The following LRIG1 variants were observed in gnomAD, a reference collection of about 807,000 sequenced individuals.
LRIG1 encodes leucine-rich repeats and immunoglobulin-like domains protein 1.
In LRIG1, 48 loss-of-function variants were observed where a neutral mutation model predicts 99.2. That is an observed-to-expected ratio of 0.48 (90% confidence interval 0.38 to 0.62). LRIG1 has a LOEUF of 0.62. Ranked by LOEUF, LRIG1 falls within the 20% of genes least tolerant of loss-of-function variation. The pLI is 0.00. For synonymous variants in LRIG1, 772 were observed against 596.1 expected, an observed-to-expected ratio of 1.29 and a Z score of -4.30; for missense variants, 1,646 against 1,434.4, an observed-to-expected ratio of 1.15 and a Z score of -2.38.
intron 1 of LRIG1, among the ~76,000 whole-genome samples, chr3:66,479,074 G>C (rs921765868): frequency 1.3e-5 from 2 of 152,074 alleles, no homozygotes; most frequent in Non-Finnish European, 2.9e-5. Flanking sequence ...CCCAGCTTCT[G>C]GTCTCCACCA....
chr3:66,482,677 ACAT>A (rs1292432377), intron 1 of LRIG1, among the ~76,000 whole-genome samples: 2 of 152,240 alleles, frequency 1.3e-5, no homozygotes, highest in Non-Finnish European at 2.9e-5. Context: ...AAATGGCTAA[ACAT>A]TTATGCATAA....
At chr3:66,430,770 G>A (rs1019826682) in intron 3 of LRIG1, among the ~76,000 whole-genome samples, 1 of 152,252 alleles carries the variant, frequency 6.6e-6, no homozygotes, top group African/African-American at 2.4e-5. Flanking sequence ...GATGGACAAT[G>A]AGCCACTTCC....
chr3:66,465,361 T>A (rs1454733544), intron 1 of LRIG1, among the ~76,000 whole-genome samples: 1 of 139,214 alleles, frequency 7.2e-6, no homozygotes, highest in Non-Finnish European at 1.6e-5. Context: ...AGCATAATTT[T>A]TTTTTTTTTT....
At chr3:66,465,123 G>T (rs930616350) in intron 1 of LRIG1, among the ~76,000 whole-genome samples, 5 of 152,156 alleles carry the variant, frequency 3.3e-5, no homozygotes, top group African/African-American at 1.2e-4. Flanking sequence ...TGGCAAAAAA[G>T]AAGACAGCCA....
chr3:66,417,094 G>T (rs370221905), intron 4 of LRIG1, 35 bp downstream of exon 4: 1 of 1,607,674 alleles, frequency 6.2e-7, no homozygotes, highest in Admixed American at 1.7e-5. Context: ...TGGACACAGC[G>T]GGCCAGCCAC....
chr3:66,419,510 C>A (rs1446764829), intron 3 of LRIG1, among the ~76,000 whole-genome samples: 1 of 152,082 alleles, frequency 6.6e-6, no homozygotes, highest in African/African-American at 2.4e-5. Context: ...AGGGAGTGCA[C>A]AAGGTGCCAG....
chr3:66,454,560 A>G (rs1293830377), intron 2 of LRIG1, among the ~76,000 whole-genome samples: 2 of 152,096 alleles, frequency 1.3e-5, no homozygotes, highest in African/African-American at 4.8e-5. Context: ...CTTCCATCCA[A>G]GGCCCTAAAA....
chr3:66,394,625 C>G (rs754418113), intron 11 of LRIG1, among the ~76,000 whole-genome samples: 1 of 151,998 alleles, frequency 6.6e-6, no homozygotes, highest in Non-Finnish European at 1.5e-5. Context: ...CTGCCACCAT[C>G]CCCCCTCTGG....
intron 4 of LRIG1, 81 bp downstream of exon 4, chr3:66,417,048 A>G (rs1447496807): frequency 6.4e-6 from 10 of 1,551,366 alleles, no homozygotes; most frequent in Non-Finnish European, 8.8e-6. Context: ...TCCCTCCTGC[A>G]TCCAGAACTG....
chr3:66,391,522 A>G (rs1459993270), intron 12 of LRIG1, among the ~76,000 whole-genome samples: 1 of 152,262 alleles, frequency 6.6e-6, no homozygotes, highest in African/African-American at 2.4e-5. Context: ...CAGTTACAAG[A>G]GACCGTATAC....
At chr3:66,444,127 G>A (rs1029014987) in intron 3 of LRIG1, among the ~76,000 whole-genome samples, 3 of 152,162 alleles carry the variant, frequency 2.0e-5, no homozygotes, top group Non-Finnish European at 4.4e-5. Context: ...GGGGGAGAGG[G>A]GATGCTCACC....
At chr3:66,386,683 A>C in intron 12 of LRIG1, 1 of 171,064 alleles carries the variant, frequency 5.8e-6, no homozygotes, top group Non-Finnish European at 1.2e-5. Context: ...CTTACTCCAA[A>C]AGGAGGGGGT....
rs376874549 is a variant in LRIG1 at position 66,380,479 on chromosome 3, G to C, written c.3066C>G (p.Ser1022=). 38 of 1,614,142 alleles carry C rather than the reference G, an allele frequency of 2.4e-5. No individual in the cohort carries two copies. The African/African-American group carries it at 4.4e-4, about 19-fold the overall frequency. Residue 1022 remains serine (S), a synonymous_variant, in exon 19 of 19, where the codon TCC becomes TCG. Transcript: ENST00000273261. The stretch of plus-strand genomic sequence containing the variant: ...GGTGATACAACCTTGCTAAAGTCCA[G>C]GAAGAATCCCCTACAAGGAAAGAAC... ...MASLDGKGDS[S]WTLARLYHPD... is the part of the protein sequence containing the mutation.
intron 3 of LRIG1, among the ~76,000 whole-genome samples, chr3:66,425,886 T>C (rs1014678173): frequency 6.6e-6 from 1 of 152,122 alleles, no homozygotes; most frequent in South Asian, 2.1e-4. Context: ...CAAGATAAGC[T>C]CTCCCCAGTT....
intron 3 of LRIG1, among the ~76,000 whole-genome samples, chr3:66,423,926 C>G (rs1273745463): frequency 6.6e-6 from 1 of 152,134 alleles, no homozygotes; most frequent in Non-Finnish European, 1.5e-5. Context: ...TCATCAGAGC[C>G]AGGCTAAGGA....
Position 66,381,648 on chromosome 3 carries a change from A to G in LRIG1, c.2618-17T>C, listed in dbSNP as rs377519173. 5 of 1,607,396 alleles carry G rather than the reference A, an allele frequency of 3.1e-6. No individual in the cohort carries two copies. The highest frequency in any genetic ancestry group is 4.3e-6 in the Non-Finnish European group (5 of 1,174,520). On this transcript the variant is annotated splice_polypyrimidine_tract_variant and intron_variant, in intron 16 of 18. Coordinates refer to ENST00000273261, the MANE Select transcript of LRIG1 (RefSeq NM_015541.3). ...GACACACACCTGCAAGTGGATTCCAACACGATTAGAAACTCTGGGCTTGGT... is the reference window on the plus strand; with the variant it reads ...GACACACACCTGCAAGTGGATTCCAGCACGATTAGAAACTCTGGGCTTGGT...
Position 66,500,499 on chromosome 3 carries a change from G to A in LRIG1, c.-92C>T, listed in dbSNP as rs543123164. ...GGCGGGCCCGCGGGGCGCTCCGCTC[G>A]GCTCTAGACTCCGCACCGGGGCATG... is the stretch of plus-strand genomic sequence containing the variant. On this transcript the variant is annotated 5_prime_UTR_variant, in exon 1 of 19. Transcript: ENST00000273261. 13 of 644,346 alleles carry A rather than the reference G, an allele frequency of 2.0e-5. No homozygotes were observed. The African/African-American group carries it at 2.1e-4, about 10-fold the overall frequency. 39.9% of individuals were successfully genotyped at this position (644,346 alleles called of 1,614,324 possible).
chr3:66,469,350 T>A (rs1296267525), intron 1 of LRIG1: 1 of 152,226 alleles, frequency 6.6e-6, no homozygotes, highest in East Asian at 1.9e-4. Flanking sequence ...AAATTTTACA[T>A]AGACCATTAT....
intron 3 of LRIG1, among the ~76,000 whole-genome samples, chr3:66,431,874 CAGCCCACCAA>C (rs1703183500): frequency 6.6e-6 from 1 of 152,194 alleles, no homozygotes; most frequent in African/African-American, 2.4e-5. Context: ...GCAGGGCACA[CAGCCCACCAA>C]TTCACATGAC....
Sources: allele counts gnomAD v4.1 joint callset (sites outside exome capture counted in the v4.1 genomes callset), GRCh38; gene constraint gnomAD v4.1.1; transcripts MANE v1.5; gene names NCBI Gene and HGNC (gene_info 2026-07-23, HGNC 2026-07-21).